The following AOPEP variants were observed in gnomAD, a reference collection of about 807,000 sequenced individuals.
AOPEP encodes aminopeptidase O.
In AOPEP, 77 loss-of-function variants were observed where a neutral mutation model predicts 98.1. That is an observed-to-expected ratio of 0.78 (90% confidence interval 0.65 to 0.95). The LOEUF (loss-of-function observed/expected upper bound fraction) is 0.95. AOPEP is among the 40% of genes least tolerant of loss of function. AOPEP has a pLI of 0.00. For synonymous variants in AOPEP, 346 were observed against 365.3 expected, an observed-to-expected ratio of 0.95 and a Z score of 0.60; for missense variants, 1,024 against 1,024.7, an observed-to-expected ratio of 1.00 and a Z score of 0.01.
At chr9:94,899,395 C>T (rs2136207583) in intron 5 of AOPEP, among the ~76,000 whole-genome samples, 1 of 147,744 alleles carries the variant, frequency 6.8e-6, no homozygotes, top group South Asian at 2.2e-4. Flanking sequence ...CACTGTGTTA[C>T]ATTTGCTATT....
downstream of AOPEP, among the ~76,000 whole-genome samples, chr9:95,090,054 C>A (rs1051408779): frequency 6.6e-6 from 1 of 152,170 alleles, no homozygotes; most frequent in African/African-American, 2.4e-5. Context: ...ATGGGGGAGC[C>A]CCATGGCTAT....
chr9:95,118,261 C>T, the AOPEP span, among the ~76,000 whole-genome samples: 2 of 151,710 alleles, frequency 1.3e-5, no homozygotes, highest in African/African-American at 2.4e-5. Context: ...TTAAGTGATC[C>T]ACCTGCCTCG....
At chr9:95,037,661 C>G (rs2064945506) in intron 13 of AOPEP, among the ~76,000 whole-genome samples, 1 of 152,182 alleles carries the variant, frequency 6.6e-6, no homozygotes, top group African/African-American at 2.4e-5. Flanking sequence ...TAGGAATGGT[C>G]CAGCTAGTGA....
chr9:95,005,154 G>T lies in AOPEP; in HGVS notation c.1978-4G>T, dbSNP rs376573314. On this transcript the variant is annotated splice_polypyrimidine_tract_variant and splice_region_variant and intron_variant, in intron 11 of 16. Transcript: ENST00000375315. ...AAACTTGACTGTGTCCTCTTCCCCC[G>T]CAGCCGCTGCAGAGGGAGCGTCGCG... is the stretch of plus-strand genomic sequence containing the variant. 37 of 1,144,246 alleles carry T rather than the reference G, an allele frequency of 3.2e-5. No homozygotes were observed. The highest frequency in any genetic ancestry group is 3.8e-5 in the Non-Finnish European group (35 of 929,310). The allele number at this position is 1,144,246 out of a possible 1,614,324, so 70.9% of individuals were successfully genotyped here.
At chr9:95,109,600 A>T in the AOPEP span, 1 of 152,190 alleles carries the variant, frequency 6.6e-6, no homozygotes, top group Non-Finnish European at 1.5e-5. Context: ...CTTGCCCATG[A>T]GTGGGACAGG....
intron 5 of AOPEP, among the ~76,000 whole-genome samples, chr9:94,848,177 A>G (rs1157235886): frequency 6.6e-6 from 1 of 152,160 alleles, no homozygotes; most frequent in Non-Finnish European, 1.5e-5. Context: ...GGGCCAGTGC[A>G]GTGGCTCACA....
In AOPEP at chr9:94,838,994, G is replaced by A. The variant is rs1009028636; in HGVS notation, c.1364+37992G>A. On this transcript the variant is annotated intron_variant, in intron 5 of 16. Coordinates refer to ENST00000375315, the MANE Select transcript of AOPEP (RefSeq NM_001193329.3). ...GGCGCAATCTCGGCTCACTGCAACCGCTGCCTCCTGGGTTCAAGCTGTTTT... is the reference window on the plus strand; with the variant it reads ...GGCGCAATCTCGGCTCACTGCAACCACTGCCTCCTGGGTTCAAGCTGTTTT... Among the ~76,000 whole-genome samples, 73 of 123,382 alleles carry A rather than the reference G, an allele frequency of 5.9e-4. 1 individual carries two copies. Among genetic ancestry groups the A allele is most frequent in the South Asian group, 5.5e-4 (2 of 3,658 alleles). 80.9% of individuals were successfully genotyped at this position (123,382 alleles called of 152,430 possible).
At chr9:94,969,629 G>C (rs569276250) in intron 10 of AOPEP, among the ~76,000 whole-genome samples, 3 of 152,062 alleles carry the variant, frequency 2.0e-5, no homozygotes, top group African/African-American at 7.2e-5. Flanking sequence ...GGATGGTCTC[G>C]ATCTCCTGAC....
chr9:94,841,579 G>A (rs1021599691), intron 5 of AOPEP, among the ~76,000 whole-genome samples: 1 of 152,146 alleles, frequency 6.6e-6, no homozygotes, highest in Admixed American at 6.5e-5. Context: ...GATGTGTGTT[G>A]TTTGAGTTGC....
At chr9:95,096,718 G>C in the AOPEP span, among the ~76,000 whole-genome samples, 1 of 152,208 alleles carries the variant, frequency 6.6e-6, no homozygotes, top group African/African-American at 2.4e-5. Context: ...CTGGCCGCTG[G>C]CTGCAGCCAC....
intron 4 of AOPEP, among the ~76,000 whole-genome samples, chr9:94,795,812 G>T (rs1846800315): frequency 6.6e-6 from 1 of 152,124 alleles, no homozygotes; most frequent in African/African-American, 2.4e-5. Flanking sequence ...ATTCCTGTCG[G>T]GCTTTAGGGG....
At chr9:94,921,326 G>T (rs1243950758) in intron 5 of AOPEP, 1 of 152,364 alleles carries the variant, frequency 6.6e-6, no homozygotes, top group Non-Finnish European at 1.5e-5. Flanking sequence ...GCCGGGCTGG[G>T]CTGTTGAGTC....
intron 5 of AOPEP, among the ~76,000 whole-genome samples, chr9:94,808,199 C>T (rs1588317834): frequency 6.6e-6 from 1 of 152,212 alleles, no homozygotes; most frequent in Admixed American, 6.5e-5. Context: ...GCTGCTTCGC[C>T]TGGCTAATTT....
At chr9:94,997,520 G>C (rs568518226) in intron 11 of AOPEP, among the ~76,000 whole-genome samples, 22 of 152,288 alleles carry the variant, frequency 1.4e-4, no homozygotes, top group African/African-American at 5.3e-4. Context: ...GAATCCTGAG[G>C]GGTGGAGGTG....
chr9:94,900,888 C>G (rs979035201), intron 5 of AOPEP: 4 of 152,210 alleles, frequency 2.6e-5, no homozygotes, highest in African/African-American at 9.6e-5. Context: ...ACACATCTGA[C>G]TCACAAGTAA....
At chr9:95,091,699 A>C (rs1214072792), downstream of AOPEP, among the ~76,000 whole-genome samples, 1 of 151,908 alleles carries the variant, frequency 6.6e-6, no homozygotes. Context: ...GGTTTTATAG[A>C]TCTCTTCCCA....
At chr9:95,026,414 G>T (rs10761368) in intron 13 of AOPEP, among the ~76,000 whole-genome samples, 127,701 of 152,194 alleles carry the variant, frequency 0.84, 53,996 homozygotes, top group Non-Finnish European at 0.9. Context: ...TAGATTTGCA[G>T]TTTCTGGACA....
At chr9:94,729,592 A>AG (rs398039682) in intron 1 of AOPEP, among the ~76,000 whole-genome samples, 1 of 150,034 alleles carries the variant, frequency 6.7e-6, no homozygotes, top group South Asian at 2.1e-4. Context: ...AAAAAAAAAA[A>AG]GAAAGAAAAG....
In AOPEP at chr9:95,087,007, T is replaced by C. The variant is rs753287150; in HGVS notation, c.*330T>C. The C allele has an allele frequency of 1.5e-5, 14 of 923,556 alleles. No homozygotes were observed. Among genetic ancestry groups the C allele is most frequent in the Non-Finnish European group, 1.6e-5 (12 of 772,656 alleles). 57.2% of individuals were successfully genotyped at this position (923,556 alleles called of 1,614,324 possible). A position where few individuals can be genotyped will look rare whatever the true frequency, so the allele number is the denominator to read the frequency against. ...TGGAAAACCTGCTGAACATTTTACA[T>C]TGGTCTGCTCAGCACATGGCTGGAT... On this transcript the variant is annotated 3_prime_UTR_variant, in exon 17 of 17. Transcript: ENST00000375315.
Sources: allele counts gnomAD v4.1 joint callset (sites outside exome capture counted in the v4.1 genomes callset), GRCh38; gene constraint gnomAD v4.1.1; transcripts MANE v1.5; gene names NCBI Gene and HGNC (gene_info 2026-07-23, HGNC 2026-07-21).